Variants in NDUFB6 observed in about 807,000 individuals in gnomAD.
The protein encoded by NDUFB6 is NADH:ubiquinone oxidoreductase subunit B6.
NDUFB6 carries 23 observed loss-of-function variants against 17.5 expected under a neutral mutation model. The observed-to-expected ratio is 1.31, with a 90% CI of 0.94 to 1.86. NDUFB6 has a LOEUF of 1.86. Among genes scored for constraint, NDUFB6 ranks in the 40% most tolerant of loss-of-function variants. NDUFB6 has a pLI of 0.00. For synonymous variants in NDUFB6, 60 were observed against 53.5 expected (o/e 1.12, Z -0.53); for missense variants, 167 against 153.8 (o/e 1.09, Z -0.46).
intron 1 of NDUFB6, among the ~76,000 whole-genome samples, chr9:32,572,109 AC>A (rs1322297789): frequency 6.6e-6 from 1 of 152,122 alleles, no homozygotes; most frequent in Admixed American, 6.5e-5. Flanking sequence ...CACATGTAAA[AC>A]CCCCAGTAGA....
In NDUFB6 at chr9:32,573,143, AGCGACCTT is replaced by A; in HGVS notation, c.-91_-84del. 1 of 1,395,506 alleles carries A rather than the reference AGCGACCTT, an allele frequency of 7.2e-7. No individual in the cohort carries two copies. Among genetic ancestry groups the A allele is most frequent in the Non-Finnish European group, 9.4e-7 (1 of 1,062,206 alleles). 86.4% of individuals were successfully genotyped at this position (1,395,506 alleles called of 1,614,324 possible). ...ACTTAAGCGCGCTCCCGCTCTGCAA[AGCGACCTT>A]GCGGGAACGCCGAGCGCCGCGCGCG... On this transcript the variant is annotated 5_prime_UTR_variant, in exon 1 of 4. Coordinates refer to ENST00000379847, the MANE Select transcript of NDUFB6 (RefSeq NM_002493.5).
At position 32,564,330 on chromosome 9, in the gene NDUFB6, G is replaced by A. The variant is rs567356247; in HGVS notation, c.274-5376C>T. Among the ~76,000 whole-genome samples, 3 of 151,680 alleles carry A rather than the reference G, an allele frequency of 2.0e-5. No individual in the cohort carries two copies. In the East Asian group the frequency reaches 5.8e-4, roughly 29 times the overall value. On this transcript the variant is annotated intron_variant, in intron 2 of 3. Coordinates refer to ENST00000379847, the MANE Select transcript of NDUFB6 (RefSeq NM_002493.5). The stretch of plus-strand genomic sequence containing the variant: ...TTATCATCAACATATGTACTCACAG[G>A]CATACCTTACTTTATTGCACTTTGC...
At chr9:32,557,510 T>A (rs1204740622) in intron 3 of NDUFB6, among the ~76,000 whole-genome samples, 1 of 150,850 alleles carries the variant, frequency 6.6e-6, no homozygotes, top group South Asian at 2.1e-4. Context: ...AGATGGAGTT[T>A]CACTCATTTC....
At chr9:32,567,323 T>C (rs945487605) in intron 2 of NDUFB6, 14 of 469,692 alleles carry the variant, frequency 3.0e-5, no homozygotes, top group African/African-American at 2.8e-4. Context: ...TGTGCCATAT[T>C]TTGGTAATTC....
intron 2 of NDUFB6, 52 bp downstream of exon 2, chr9:32,570,908 G>T: frequency 1.5e-6 from 2 of 1,294,252 alleles, no homozygotes; most frequent in Non-Finnish European, 2.2e-6. Flanking sequence ...TAGCCACAAA[G>T]AAAGTAATTT....
Position 32,573,089 on chromosome 9 carries a change from A to G in NDUFB6, c.-29T>C, listed in dbSNP as rs766662552. On this transcript the variant is annotated 5_prime_UTR_variant, in exon 1 of 4. Coordinates refer to ENST00000379847, the MANE Select transcript of NDUFB6 (RefSeq NM_002493.5). ...GCCGCTGGTACCAACGCAAAAGGAC[A>G]CGGCGCACCCTCGAACTACGGACTA... 6.6e-6 allele frequency: 10 copies of G among 1,511,850 alleles called. No individual in the cohort carries two copies. Among genetic ancestry groups the G allele is most frequent in the Non-Finnish European group, 8.9e-6 (10 of 1,126,982 alleles). The allele number at this position is 1,511,850 out of a possible 1,614,324, so 93.7% of individuals were successfully genotyped here. A position where few individuals can be genotyped will look rare whatever the true frequency, so the allele number is the denominator to read the frequency against.
At position 32,567,272 on chromosome 9, in the gene NDUFB6, C is replaced by T. The variant is rs1821825003; in HGVS notation, c.273+3688G>A. ...GGGCCGGGAACCGATCCCAGAAACT[C>T]AGTGCCATTTTGCTAACAGCATGTG... On this transcript the variant is annotated intron_variant, in intron 2 of 3. Transcript: ENST00000379847. The T allele has an allele frequency of 4.2e-6, 2 of 472,268 alleles. 1 individual carries two copies. The highest frequency in any genetic ancestry group is 8.8e-6 in the Non-Finnish European group (2 of 228,068). 29.3% of individuals were successfully genotyped at this position (472,268 alleles called of 1,614,324 possible). A position where few individuals can be genotyped will look rare whatever the true frequency, so the allele number is the denominator to read the frequency against.
intron 3 of NDUFB6, among the ~76,000 whole-genome samples, chr9:32,556,375 G>T (rs1228943706): frequency 6.6e-6 from 1 of 152,224 alleles, no homozygotes; most frequent in African/African-American, 2.4e-5. Flanking sequence ...CCGTATCTTT[G>T]TATCACAATC....
intron 2 of NDUFB6, chr9:32,566,057 C>T (rs893536214): frequency 2.4e-6 from 1 of 420,092 alleles, no homozygotes; most frequent in African/African-American, 2.3e-5. Flanking sequence ...TTTCCAGGAG[C>T]TACTGGAGTG....
At chr9:32,558,491 G>A (rs1216880054) in intron 3 of NDUFB6, among the ~76,000 whole-genome samples, 1 of 152,148 alleles carries the variant, frequency 6.6e-6, no homozygotes, top group Admixed American at 6.5e-5. Flanking sequence ...TGAAAATGAG[G>A]TACAAAGCCA....
chr9:32,553,759 G>A lies in NDUFB6; in HGVS notation c.*117C>T, dbSNP rs1239950606. ...TCAAATTGTACAATGCTTGAAAACAGATATGACAATTTCTGAGATTAAACT... is the reference window on the plus strand; with the variant it reads ...TCAAATTGTACAATGCTTGAAAACAAATATGACAATTTCTGAGATTAAACT... On this transcript the variant is annotated 3_prime_UTR_variant, in exon 4 of 4. Coordinates refer to ENST00000379847, the MANE Select transcript of NDUFB6 (RefSeq NM_002493.5). The A allele has an allele frequency of 8.4e-6, 6 of 717,376 alleles. No individual in the cohort carries two copies. The highest frequency in any genetic ancestry group is 1.5e-5 in the Non-Finnish European group (6 of 412,946). The allele number at this position is 717,376 out of a possible 1,614,324, so 44.4% of individuals were successfully genotyped here.
intron 2 of NDUFB6, among the ~76,000 whole-genome samples, 192 bp from the exon 3 acceptor site, chr9:32,559,146 C>G (rs965631394): frequency 6.6e-6 from 1 of 152,224 alleles, no homozygotes; most frequent in Non-Finnish European, 1.5e-5. Context: ...AGGTCCCACA[C>G]TTAACTTCTC....
chr9:32,556,846 C>CTTTTTT (rs10703297), intron 3 of NDUFB6, among the ~76,000 whole-genome samples: 3 of 82,340 alleles, frequency 3.6e-5, no homozygotes, highest in Admixed American at 1.7e-4. Context: ...AAATCCCCTA[C>CTTTTTT]TTTTTTTTTT....
At chr9:32,567,118 C>T (rs1214371295) in intron 2 of NDUFB6, 50 of 481,352 alleles carry the variant, frequency 1.0e-4, no homozygotes, top group Non-Finnish European at 8.1e-5. Flanking sequence ...TCTTGTGCTT[C>T]TGGAGCACTG....
chr9:32,572,896 G>T lies in NDUFB6; in HGVS notation c.165C>A (p.Ser55=). 6.3e-7 allele frequency: 1 copy of T among 1,594,542 alleles called. No individual in the cohort carries two copies. The highest frequency in any genetic ancestry group is 8.5e-7 in the Non-Finnish European group (1 of 1,170,202). Residue 55 remains serine, a synonymous_variant, in exon 1 of 4, where the codon TCC becomes TCA. Coordinates refer to ENST00000379847, the MANE Select transcript of NDUFB6 (RefSeq NM_002493.5). ...KFWNKFLENK[S]PWRKMVHGVY... is the part of the protein sequence containing the mutation. ...TGTCACTCACCATTTTCCTCCAAGG[G>T]GATTTATTCTCCAAAAATTTATTCC... is the stretch of plus-strand genomic sequence containing the variant.
At chr9:32,570,578 G>C (rs1821915604) in intron 2 of NDUFB6, among the ~76,000 whole-genome samples, 1 of 152,104 alleles carries the variant, frequency 6.6e-6, no homozygotes, top group Non-Finnish European at 1.5e-5. Flanking sequence ...AACAGAAATT[G>C]GGTGATGACA....
intron 2 of NDUFB6, chr9:32,568,743 T>C (rs1467802079): frequency 8.2e-6 from 1 of 122,172 alleles, no homozygotes; most frequent in Non-Finnish European, 1.7e-5. Flanking sequence ...TATATATATA[T>C]ATATATTTTT....
At chr9:32,571,869 A>G (rs1345746380) in intron 1 of NDUFB6, among the ~76,000 whole-genome samples, 2 of 152,236 alleles carry the variant, frequency 1.3e-5, no homozygotes, top group East Asian at 1.9e-4. Flanking sequence ...TTTTACCACC[A>G]TAAATAAGTA....
intron 1 of NDUFB6, among the ~76,000 whole-genome samples, chr9:32,571,774 C>A (rs1821945946): frequency 6.6e-6 from 1 of 152,162 alleles, no homozygotes; most frequent in African/African-American, 2.4e-5. Context: ...ATATCACTTG[C>A]TGATGGATGG....
Sources: allele counts gnomAD v4.1 joint callset (sites outside exome capture counted in the v4.1 genomes callset), GRCh38; gene constraint gnomAD v4.1.1; transcripts MANE v1.5; gene names NCBI Gene and HGNC (gene_info 2026-07-23, HGNC 2026-07-21).